STK32B: variants seen among roughly 807,000 people sequenced by gnomAD.
The protein encoded by STK32B is serine/threonine-protein kinase 32B.
A neutral mutation model predicts 52.6 loss-of-function variants in STK32B; 43 were observed. That is an observed-to-expected ratio of 0.82 (90% CI 0.64 to 1.05). The LOEUF (loss-of-function observed/expected upper bound fraction) is 1.05. STK32B is among the 50% of genes least tolerant of loss of function. The probability of loss-of-function intolerance (pLI) is 0.00; values close to 1 mark genes in which losing one functional copy is unlikely to be tolerated. For missense variants in STK32B, 621 were observed against 534.6 expected (o/e 1.16, Z -1.59); for synonymous variants, 238 against 204.3 (o/e 1.17, Z -1.41).
chr4:5,175,390 A>G (rs1392022780), intron 3 of STK32B, among the ~76,000 whole-genome samples: 1 of 151,812 alleles, frequency 6.6e-6, no homozygotes, highest in Non-Finnish European at 1.5e-5. Context: ...TGATTTTTAG[A>G]GTTTCCAGTT....
In STK32B at chr4:5,399,096, C is replaced by G. The variant is rs552333104; in HGVS notation, c.472+852C>G. Among the ~76,000 whole-genome samples the G allele has an allele frequency of 1.9e-4, 28 of 150,750 alleles. No individual in the cohort carries two copies. The South Asian group carries it at 5.6e-3, about 30-fold the overall frequency. On this transcript the variant is annotated intron_variant, in intron 5 of 11. Coordinates refer to ENST00000282908, the MANE Select transcript of STK32B (RefSeq NM_018401.3). The surrounding 1 kb of genome is among the most constrained non-coding windows in gnomAD (Gnocchi z 5.4). Reference sequence around the variant, plus strand: ...GCTCAGATCAAGAATGCTCAGTGGACTTGACAATCAATTGTGGCTGATGCC... The same window carrying G: ...GCTCAGATCAAGAATGCTCAGTGGAGTTGACAATCAATTGTGGCTGATGCC...
intron 3 of STK32B, among the ~76,000 whole-genome samples, chr4:5,247,524 G>T (rs891770743): frequency 2.0e-5 from 3 of 152,200 alleles, no homozygotes; most frequent in Non-Finnish European, 2.9e-5. Flanking sequence ...CACTTCTCGG[G>T]TGAGGCGATG....
intron 1 of STK32B, among the ~76,000 whole-genome samples, chr4:5,124,862 A>G (rs1301536848): frequency 6.6e-6 from 1 of 152,220 alleles, no homozygotes; most frequent in East Asian, 1.9e-4. Context: ...ATGGCCCGTC[A>G]TGAACCTTCC....
At chr4:5,033,224 C>T in the STK32B span, among the ~76,000 whole-genome samples, 1 of 152,286 alleles carries the variant, frequency 6.6e-6, no homozygotes, top group East Asian at 1.9e-4. Flanking sequence ...CCCTTGATTG[C>T]CTTTCCACTT....
intron 3 of STK32B, among the ~76,000 whole-genome samples, chr4:5,278,683 C>G (rs1009449950): frequency 1.3e-5 from 2 of 152,114 alleles, no homozygotes; most frequent in Non-Finnish European, 2.9e-5. Context: ...TTAGTCCCTT[C>G]TAACACTACT....
chr4:5,229,570 T>C (rs1253624717), intron 3 of STK32B, among the ~76,000 whole-genome samples: 4 of 152,214 alleles, frequency 2.6e-5, no homozygotes, highest in East Asian at 1.9e-4. Context: ...ATGGATGATA[T>C]AGGTTTGGGC....
rs986051178 is a variant in STK32B at position 5,162,393 on chromosome 4, G to A, written c.109-5906G>A. Reference sequence around the variant, plus strand: ...GTGCTGCAGAATCGACATTGTCAGCGCCCGGAATATACTGTAAAGTCAGGA... The same window carrying A: ...GTGCTGCAGAATCGACATTGTCAGCACCCGGAATATACTGTAAAGTCAGGA... On this transcript the variant is annotated intron_variant, in intron 2 of 11. Coordinates refer to ENST00000282908, the MANE Select transcript of STK32B (RefSeq NM_018401.3). 3.9e-5 allele frequency among the ~76,000 whole-genome samples: 6 copies of A among 152,220 alleles called. No individual in the cohort carries two copies. The South Asian group carries it at 6.2e-4, about 16-fold the overall frequency.
intron 1 of STK32B, among the ~76,000 whole-genome samples, chr4:5,099,432 C>CTGTGTGTG (rs746438820): frequency 0.011 from 1,535 of 138,866 alleles, 37 homozygotes; most frequent in African/African-American, 0.037. Context: ...CTGCAGTCCT[C>CTGTGTGTG]TGTGTGTGTG....
intron 4 of STK32B, among the ~76,000 whole-genome samples, chr4:5,368,856 C>A (rs1461418828): frequency 6.6e-6 from 1 of 152,170 alleles, no homozygotes; most frequent in Non-Finnish European, 1.5e-5. Flanking sequence ...TTCATCCTTG[C>A]CATGCCAGAT....
At chr4:5,479,015 G>A (rs1448168079) in intron 11 of STK32B, among the ~76,000 whole-genome samples, 1 of 152,202 alleles carries the variant, frequency 6.6e-6, no homozygotes, top group Non-Finnish European at 1.5e-5. Context: ...AGTTGGAGGT[G>A]GTGCAAAGCG....
chr4:5,271,365 T>C (rs1228849131), intron 3 of STK32B, among the ~76,000 whole-genome samples: 2 of 152,130 alleles, frequency 1.3e-5, no homozygotes, highest in Non-Finnish European at 2.9e-5. Flanking sequence ...CTTAAATAAA[T>C]GGAGATGGAT....
intron 3 of STK32B, among the ~76,000 whole-genome samples, chr4:5,233,406 A>G (rs1029622340): frequency 1.3e-5 from 2 of 152,158 alleles, no homozygotes; most frequent in Non-Finnish European, 2.9e-5. Flanking sequence ...AAGGACTCTC[A>G]GGCAAATAGG....
intron 4 of STK32B, among the ~76,000 whole-genome samples, chr4:5,366,599 G>C (rs1308202306): frequency 6.6e-6 from 1 of 152,236 alleles, no homozygotes; most frequent in Non-Finnish European, 1.5e-5. Context: ...GAGGGCAAGA[G>C]GCACGGGTGG....
rs147643183 is a variant in STK32B, at chr4:5,252,324, A to G, written c.261-78896A>G. 2.9e-3 allele frequency among the ~76,000 whole-genome samples: 435 copies of G among 152,350 alleles called. 2 individuals are homozygous for G. Among genetic ancestry groups the G allele is most frequent in the African/African-American group, 0.01 (419 of 41,580 alleles). ...ATTGGATAAAGAACCTCCAATTCTTATAAGAACATTGTGAGATCAATTTCG... is the reference window on the plus strand; with the variant it reads ...ATTGGATAAAGAACCTCCAATTCTTGTAAGAACATTGTGAGATCAATTTCG... On this transcript the variant is annotated intron_variant, in intron 3 of 11. Coordinates refer to ENST00000282908, the MANE Select transcript of STK32B (RefSeq NM_018401.3).
chr4:5,122,667 A>G (rs1243497954), intron 1 of STK32B, among the ~76,000 whole-genome samples: 1 of 152,088 alleles, frequency 6.6e-6, no homozygotes, highest in Non-Finnish European at 1.5e-5. Flanking sequence ...TCATTCACTC[A>G]TTCATTTACT....
At chr4:5,208,875 C>G (rs913669557) in intron 3 of STK32B, among the ~76,000 whole-genome samples, 1 of 152,228 alleles carries the variant, frequency 6.6e-6, no homozygotes. Context: ...GATAAATGAT[C>G]ACGATGCCTG....
chr4:5,107,070 C>G (rs2108799278), intron 1 of STK32B, among the ~76,000 whole-genome samples: 1 of 152,288 alleles, frequency 6.6e-6, no homozygotes, highest in South Asian at 2.1e-4. Flanking sequence ...GTATTTACAG[C>G]TGCTCCCCAT....
intron 3 of STK32B, among the ~76,000 whole-genome samples, chr4:5,290,436 A>G (rs1399627333): frequency 6.6e-6 from 1 of 152,166 alleles, no homozygotes; most frequent in Admixed American, 6.5e-5. Context: ...AAATACTAAG[A>G]CACAAACACA....
At chr4:5,274,556 T>C (rs988088051) in intron 3 of STK32B, among the ~76,000 whole-genome samples, 1 of 152,130 alleles carries the variant, frequency 6.6e-6, no homozygotes, top group African/African-American at 2.4e-5. Flanking sequence ...GAGAGCTCAC[T>C]AAAATGCTAA....
Sources: allele counts gnomAD v4.1 joint callset (sites outside exome capture counted in the v4.1 genomes callset), GRCh38; gene constraint gnomAD v4.1.1; non-coding constraint Gnocchi (gnomAD v3.1); transcripts MANE v1.5; gene names NCBI Gene and HGNC (gene_info 2026-07-23, HGNC 2026-07-21).